Variants in ANKRD30A observed in about 807,000 individuals in gnomAD.
ANKRD30A encodes ankyrin repeat domain-containing protein 30A.
A neutral mutation model predicts 166.3 loss-of-function variants in ANKRD30A; 170 were observed. The observed-to-expected ratio is 1.02, with a 90% confidence interval of 0.90 to 1.16. The LOEUF (loss-of-function observed/expected upper bound fraction) is 1.16, where lower values mean the gene tolerates loss of function less well. Among genes scored for constraint, ANKRD30A ranks in the 50% most tolerant of loss-of-function variants. The pLI is 0.00. For synonymous variants in ANKRD30A, 564 were observed against 508.9 expected (o/e 1.11, Z -1.46); for missense variants, 1,630 against 1,518.0 (o/e 1.07, Z -1.23).
At chr10:37,153,527 T>C (rs1191275649) in intron 12 of ANKRD30A, 45 bp from the exon 13 acceptor site, 2 of 1,601,084 alleles carry the variant, frequency 1.2e-6, no homozygotes, top group African/African-American at 1.3e-5. Flanking sequence ...TCTTCATTAC[T>C]AGGATTTATC....
intron 11 of ANKRD30A, among the ~76,000 whole-genome samples, chr10:37,150,358 CTGTT>C (rs1370072657): frequency 6.6e-6 from 1 of 151,484 alleles, no homozygotes; most frequent in Non-Finnish European, 1.5e-5. Flanking sequence ...CTGTGTGTGT[CTGTT>C]TATGTGTTTG....
Position 37,129,966 on chromosome 10 carries a change from C to A in ANKRD30A, c.295C>A (p.Leu99Ile). The A allele has an allele frequency of 6.3e-7, 1 of 1,578,816 alleles. No homozygotes were observed. The highest frequency in any genetic ancestry group is 8.6e-7 in the Non-Finnish European group (1 of 1,160,392). ...VTFLVDRKCQ[L>I]DVLDGEHRTP... ...ATTTCTGGTAGACAGAAAGTGCCAG[C>A]TTGACGTCCTTGATGGCGAACACAG... Residue 99 changes from leucine (L) to isoleucine (I), a missense_variant, in exon 2 of 36, where the codon CTT (leucine) becomes ATT (isoleucine). Physicochemically the swap from Leu to Ile is conservative, Grantham distance 5 (BLOSUM62 2). This residue lies in a region of ANKRD30A where 904 missense variants were observed against 818.5 expected (regional missense o/e 1.10). Transcript: ENST00000361713.
intron 25 of ANKRD30A, among the ~76,000 whole-genome samples, chr10:37,190,126 AT>A (rs1381164564): frequency 6.6e-6 from 1 of 151,930 alleles, no homozygotes; most frequent in Non-Finnish European, 1.5e-5. Context: ...GCATATCTGC[AT>A]GGCCACACAT....
the ANKRD30A span, among the ~76,000 whole-genome samples, chr10:37,241,486 A>T: frequency 6.6e-6 from 1 of 151,986 alleles, no homozygotes; most frequent in Non-Finnish European, 1.5e-5. Flanking sequence ...CAAACTTTTT[A>T]GTGGATCTTA....
chr10:37,133,920 G>A lies in ANKRD30A; in HGVS notation c.622G>A (p.Ala208Thr), dbSNP rs868784947. The A allele has an allele frequency of 1.9e-6, 3 of 1,613,822 alleles. No individual in the cohort carries two copies. Among genetic ancestry groups the A allele is most frequent in the Admixed American group, 1.7e-5 (1 of 59,998 alleles). The change falls in exon 5 of 36, where the codon GCC becomes ACC. Residue 208 changes from alanine to threonine, a missense_variant. This residue lies in a region of ANKRD30A where 904 missense variants were observed against 818.5 expected (regional missense o/e 1.10). Coordinates refer to ENST00000361713, the MANE Select transcript of ANKRD30A (RefSeq NM_052997.3). ...ANAVNKYKCT[A>T]LMLAVCHGSS... ...GTTATCTCTTTGTTATTTTAGCACA[G>A]CCCTCATGCTTGCTGTATGTCATGG...
chr10:37,204,415 A>G (rs917203241), intron 31 of ANKRD30A, among the ~76,000 whole-genome samples: 1 of 152,222 alleles, frequency 6.6e-6, no homozygotes, highest in Admixed American at 6.5e-5. Context: ...GGCTAGCCAT[A>G]TGTAGAAAGC....
At chr10:37,223,657 T>A (rs549937430) in intron 34 of ANKRD30A, among the ~76,000 whole-genome samples, 1 of 151,464 alleles carries the variant, frequency 6.6e-6, no homozygotes, top group South Asian at 2.1e-4. Context: ...TTGGGTTGTT[T>A]TTTAAAAAAT....
intron 34 of ANKRD30A, among the ~76,000 whole-genome samples, chr10:37,222,857 A>G (rs1003394300): frequency 1.5e-4 from 23 of 151,464 alleles, no homozygotes; most frequent in Admixed American, 1.3e-3. Flanking sequence ...TTCATGAGAC[A>G]TAATCATGTC....
intron 17 of ANKRD30A, 74 bp downstream of exon 17, chr10:37,162,922 A>C: frequency 6.5e-7 from 1 of 1,538,238 alleles, no homozygotes; most frequent in Non-Finnish European, 8.9e-7. Context: ...TCTGTACCCA[A>C]TGGTTTATTT....
At chr10:37,233,233 G>C (rs1843532821), downstream of ANKRD30A, among the ~76,000 whole-genome samples, 1 of 152,076 alleles carries the variant, frequency 6.6e-6, no homozygotes, top group South Asian at 2.1e-4. Flanking sequence ...AGCTAGCTGA[G>C]TTTTTAATTA....
chr10:37,253,115 C>A, the ANKRD30A span, among the ~76,000 whole-genome samples: 1 of 152,196 alleles, frequency 6.6e-6, no homozygotes, highest in Admixed American at 6.5e-5. Flanking sequence ...AGGGCAAATG[C>A]AAGTGGAAAG....
chr10:37,196,099 T>TA (rs1564549927), intron 27 of ANKRD30A, among the ~76,000 whole-genome samples: 2 of 148,298 alleles, frequency 1.3e-5, no homozygotes, highest in African/African-American at 4.9e-5. Flanking sequence ...TTCTATTTTT[T>TA]TTTTTTTTTT....
At chr10:37,243,977 C>G in the ANKRD30A span, among the ~76,000 whole-genome samples, 1 of 152,068 alleles carries the variant, frequency 6.6e-6, no homozygotes, top group Non-Finnish European at 1.5e-5. Context: ...ACAAATATGT[C>G]AGCCTCACAG....
the ANKRD30A span, among the ~76,000 whole-genome samples, chr10:37,241,736 G>T: frequency 6.6e-6 from 1 of 152,102 alleles, no homozygotes; most frequent in South Asian, 2.1e-4. Flanking sequence ...AATTTTAAGT[G>T]CTGATTTATA....
intron 13 of ANKRD30A, among the ~76,000 whole-genome samples, chr10:37,158,130 A>G (rs1199672434): frequency 6.6e-6 from 1 of 152,062 alleles, no homozygotes; most frequent in African/African-American, 2.4e-5. Flanking sequence ...TTTCTGCTTT[A>G]GTTATTGTCA....
the ANKRD30A span, among the ~76,000 whole-genome samples, chr10:37,257,010 T>A: frequency 1.3e-5 from 2 of 152,122 alleles, no homozygotes; most frequent in Admixed American, 6.5e-5. Context: ...CGGCTATGAA[T>A]CCATCTGGTC....
At chr10:37,232,654 T>TATATATATATATATATATATATATATA (rs71007625), downstream of ANKRD30A, 6 of 54,202 alleles carry the variant, frequency 1.1e-4, no homozygotes, top group Non-Finnish European at 2.1e-4. Flanking sequence ...AGCATTGGTT[T>TATATATATATATATATATATATATATA]TATATATATA....
chr10:37,149,222 G>A (rs1188995207), intron 9 of ANKRD30A, among the ~76,000 whole-genome samples: 1 of 151,946 alleles, frequency 6.6e-6, no homozygotes, highest in African/African-American at 2.4e-5. Context: ...ACACTTCACT[G>A]ATGAGATGTC....
At chr10:37,162,287 A>G (rs950725888) in intron 15 of ANKRD30A, among the ~76,000 whole-genome samples, 2 of 152,310 alleles carry the variant, frequency 1.3e-5, no homozygotes, top group African/African-American at 2.4e-5. Context: ...GATAGGCTAT[A>G]TTAAAGAACA....
Sources: gnomAD v4.1 joint callset for allele counts (sites outside exome capture counted in the v4.1 genomes callset) on GRCh38, gnomAD v4.1.1 for gene constraint, gnomAD v4.1.1 regional missense constraint, MANE v1.5 for transcripts, NCBI Gene and HGNC (gene_info 2026-07-23, HGNC 2026-07-21) for gene names.